The following ETNK2 variants were observed in gnomAD, a reference collection of about 807,000 sequenced individuals.
ETNK2 encodes the protein ethanolamine kinase-like protein.
In ETNK2, 33 loss-of-function variants were observed where a neutral mutation model predicts 46.2. The observed-to-expected ratio is 0.71, with a 90% CI of 0.54 to 0.96. The LOEUF (loss-of-function observed/expected upper bound fraction) is 0.96. Ranked by LOEUF, ETNK2 falls within the 40% of genes least tolerant of loss-of-function variation. The pLI, the probability that ETNK2 is intolerant of heterozygous loss-of-function variation, is 0.00. For synonymous variants in ETNK2, 194 were observed against 209.0 expected, an observed-to-expected ratio of 0.93 and a Z score of 0.62; for missense variants, 445 against 509.7, an observed-to-expected ratio of 0.87 and a Z score of 1.22.
At chr1:204,147,098 A>C in intron 2 of ETNK2, 1 of 436,056 alleles carries the variant, frequency 2.3e-6, no homozygotes, top group Non-Finnish European at 4.5e-6. Flanking sequence ...ACTCCTGAGA[A>C]CAGAGGGGCA....
At chr1:204,143,467 G>A (rs1657644053) in intron 3 of ETNK2, among the ~76,000 whole-genome samples, 1 of 151,730 alleles carries the variant, frequency 6.6e-6, no homozygotes, top group African/African-American at 2.4e-5. Flanking sequence ...CCTCCCCTGA[G>A]CACTTGAAAC....
chr1:204,148,224 T>C (rs1052931941), intron 2 of ETNK2, among the ~76,000 whole-genome samples: 1 of 151,516 alleles, frequency 6.6e-6, no homozygotes, highest in Non-Finnish European at 1.5e-5. Flanking sequence ...CTCCTACACC[T>C]ATCCCAATTT....
chr1:204,149,025 C>T (rs1485984442), intron 2 of ETNK2, among the ~76,000 whole-genome samples: 1 of 152,104 alleles, frequency 6.6e-6, no homozygotes, highest in East Asian at 1.9e-4. Context: ...GAGGGAGATG[C>T]TAGGGGTCCT....
At position 204,151,324 on chromosome 1, in the gene ETNK2, G is replaced by A. The variant is rs946524006; in HGVS notation, c.258+271C>T. 15 of 553,046 alleles carry A rather than the reference G, an allele frequency of 2.7e-5. No homozygotes were observed. The highest frequency in any genetic ancestry group is 4.1e-5 in the Non-Finnish European group (13 of 317,564). The allele number at this position is 553,046 out of a possible 1,614,324, so 34.3% of individuals were successfully genotyped here. ...CACGCAGCGACAGGGGGTGCGGCCCGCACACGCAGCATGCCGACAGTGGGC... is the reference window on the plus strand; with the variant it reads ...CACGCAGCGACAGGGGGTGCGGCCCACACACGCAGCATGCCGACAGTGGGC... On this transcript the variant is annotated intron_variant, in intron 1 of 7. Transcript: ENST00000367202. The surrounding 1 kb of genome is among the most constrained non-coding windows in gnomAD (Gnocchi z 8.0).
At chr1:204,149,663 T>C in intron 2 of ETNK2, 40 bp downstream of exon 2, 1 of 1,535,488 alleles carries the variant, frequency 6.5e-7, no homozygotes, top group Non-Finnish European at 8.8e-7. Flanking sequence ...GCCCAAGGCC[T>C]GAAGAATAGT....
In ETNK2 at chr1:204,151,633, G is replaced by T; in HGVS notation, c.220C>A (p.Leu74Met). 1.3e-6 allele frequency: 2 copies of T among 1,549,466 alleles called. No homozygotes were observed. Among genetic ancestry groups the T allele is most frequent in the Non-Finnish European group, 1.7e-6 (2 of 1,146,404 alleles). Residue 74 changes from leucine to methionine, a missense_variant, in exon 1 of 8, where the codon CTG (leucine) becomes ATG (methionine). Coordinates refer to ENST00000367202, the MANE Select transcript of ETNK2 (RefSeq NM_018208.4). This position sits in a 1 kb window ranked among gnomAD's most constrained non-coding sequence, Gnocchi z 8.0. ...LPGALRLIQELRPHWKPEQVR... is the reference protein window; with the variant it reads ...LPGALRLIQEMRPHWKPEQVR... Reference sequence around the variant, plus strand: ...TGCTCGGGTTTCCAATGCGGCCGCAGCTCCTGGATGAGGCGCAGGGCCCCG... The same window carrying T: ...TGCTCGGGTTTCCAATGCGGCCGCATCTCCTGGATGAGGCGCAGGGCCCCG...
chr1:204,133,481 C>CTT (rs55983645), intron 7 of ETNK2, among the ~76,000 whole-genome samples: 6 of 143,888 alleles, frequency 4.2e-5, no homozygotes, highest in South Asian at 2.2e-4. Flanking sequence ...CCATGCTTTG[C>CTT]TTTTTTTTTT....
intron 7 of ETNK2, among the ~76,000 whole-genome samples, chr1:204,132,566 G>T (rs944713610): frequency 2.0e-5 from 3 of 152,028 alleles, no homozygotes; most frequent in African/African-American, 7.2e-5. Context: ...CAGAATAGCT[G>T]GGATTATAGG....
chr1:204,144,099 C>CT (rs916495460), intron 3 of ETNK2, among the ~76,000 whole-genome samples: 1 of 152,022 alleles, frequency 6.6e-6, no homozygotes, highest in African/African-American at 2.4e-5. Flanking sequence ...AATCCCAGCA[C>CT]TTTAAGAGGC....
At chr1:204,134,415 C>T (rs551523841) in intron 7 of ETNK2, 100 bp downstream of exon 7, 128 of 1,346,994 alleles carry the variant, frequency 9.5e-5, no homozygotes, top group Non-Finnish European at 1.1e-4. Context: ...AGCAGGGGAG[C>T]GGACTCTGGG....
At chr1:204,141,205 C>T (rs781519801) in intron 4 of ETNK2, 110 bp downstream of exon 4, 10 of 1,295,334 alleles carry the variant, frequency 7.7e-6, no homozygotes, top group East Asian at 2.3e-5. Context: ...AGACCTAAAT[C>T]AAGGTCTAAC....
chr1:204,144,362 A>AAAAAAAAAAAAAAAAAAAAAC (rs1657694853), intron 3 of ETNK2, among the ~76,000 whole-genome samples: 1 of 149,654 alleles, frequency 6.7e-6, no homozygotes, highest in Non-Finnish European at 1.5e-5. Context: ...AAAAAAAAAA[A>AAAAAAAAAAAAAAAAAAAAAC]AAAAAAAGCC....
At position 204,149,877 on chromosome 1, in the gene ETNK2, C is replaced by T. The variant is rs1363021355; in HGVS notation, c.344G>A (p.Gly115Glu). Residue 115 changes from glycine to glutamate, a missense_variant, in exon 2 of 8, where the codon GGG (glycine) becomes GAG (glutamate). Coordinates refer to ENST00000367202, the MANE Select transcript of ETNK2 (RefSeq NM_018208.4). ...GTCCACCAGCAGCTCCGTCCGCTCC[C>T]CATACACCCGGACCAGCACGCAGTC... ...MQDCVLVRVYGERTELLVDRE... is the reference protein window; with the variant it reads ...MQDCVLVRVYEERTELLVDRE... 1 of 1,592,514 alleles carries T rather than the reference C, an allele frequency of 6.3e-7. No individual in the cohort carries two copies. The highest frequency in any genetic ancestry group is 8.5e-7 in the Non-Finnish European group (1 of 1,169,670).
chr1:204,139,711 C>T (rs1657424361), intron 5 of ETNK2, among the ~76,000 whole-genome samples: 2 of 152,140 alleles, frequency 1.3e-5, no homozygotes, highest in African/African-American at 2.4e-5. Flanking sequence ...AATGCACCAT[C>T]GGGTGATTTT....
rs750088431 is a variant in ETNK2, at chr1:204,140,151, C to T, written c.785-33G>A. On this transcript the variant is annotated intron_variant, in intron 4 of 7. Transcript: ENST00000367202. The stretch of plus-strand genomic sequence containing the variant: ...GTAGAGGAGAATCGATGAGAGTTGG[C>T]CCAGGAGATCTGGCAACAGAGCCTG... 5.1e-6 allele frequency: 8 copies of T among 1,577,812 alleles called. No homozygotes were observed. In the East Asian group the frequency reaches 1.6e-4, roughly 31 times the overall value.
In ETNK2 at chr1:204,137,164, C is replaced by T. The variant is rs775624367; in HGVS notation, c.954G>A (p.Gly318=). The T allele has an allele frequency of 5.6e-6, 9 of 1,614,012 alleles. No homozygotes were observed. The highest frequency in any genetic ancestry group is 3.3e-4 in the Middle Eastern group (2 of 6,062). Residue 318 remains glycine (G), a synonymous_variant, in exon 6 of 8, where the codon GGG becomes GGA. Coordinates refer to ENST00000367202, the MANE Select transcript of ETNK2 (RefSeq NM_018208.4). The stretch of plus-strand genomic sequence containing the variant: ...GCACCTCCCTGGGGGTCACGGCCAT[C>T]CCCTTTTGTGCCTGCAGGTAGTAGT... ...WLHYYLQAQK[G]MAVTPREVQR...
intron 3 of ETNK2, among the ~76,000 whole-genome samples, 155 bp downstream of exon 3, chr1:204,146,487 T>C (rs556342231): frequency 9.9e-5 from 15 of 152,230 alleles, no homozygotes; most frequent in Non-Finnish European, 1.8e-4. Context: ...AGACAGAGGC[T>C]TACCGACTAG....
At chr1:204,141,292 C>T in intron 4 of ETNK2, 23 bp downstream of exon 4, 1 of 1,614,000 alleles carries the variant, frequency 6.2e-7, no homozygotes, top group South Asian at 1.1e-5. Context: ...CCTGCTGCTG[C>T]CCCAGGGCCA....
chr1:204,150,035 G>A lies in ETNK2; in HGVS notation c.259-73C>T, dbSNP rs938437232. On this transcript the variant is annotated intron_variant, in intron 1 of 7. Transcript: ENST00000367202. The stretch of plus-strand genomic sequence containing the variant: ...CTCTCTGGTCTCTCTCCTGGGCTCT[G>A]TAGCTCCAGCAGGAGGTGCTCATTT... 1.6e-4 allele frequency: 229 copies of A among 1,476,048 alleles called. 1 individual carries two copies. Among genetic ancestry groups the A allele is most frequent in the Admixed American group, 7.9e-4 (39 of 49,242 alleles). 91.4% of individuals were successfully genotyped at this position (1,476,048 alleles called of 1,614,324 possible). A position where few individuals can be genotyped will look rare whatever the true frequency, so the allele number is the denominator to read the frequency against.
Sources: gnomAD v4.1 joint callset for allele counts (sites outside exome capture counted in the v4.1 genomes callset) on GRCh38, gnomAD v4.1.1 for gene constraint, Gnocchi (gnomAD v3.1) non-coding constraint, MANE v1.5 for transcripts, NCBI Gene and HGNC (gene_info 2026-07-23, HGNC 2026-07-21) for gene names.